SNX7: variants seen among roughly 807,000 people sequenced by gnomAD.
SNX7 encodes sorting nexin-7.
Under a neutral mutation model 48.4 loss-of-function variants are expected in SNX7, and 35 were observed. That is an observed-to-expected ratio of 0.72 (90% CI 0.55 to 0.96). The LOEUF is 0.96. Ranked by LOEUF, SNX7 falls within the 40% of genes least tolerant of loss-of-function variation. SNX7 has a pLI of 0.00. For missense variants in SNX7, 553 were observed against 548.9 expected, an observed-to-expected ratio of 1.01 and a Z score of -0.07; for synonymous variants, 190 against 190.2, an observed-to-expected ratio of 1.00 and a Z score of 0.01.
intron 7 of SNX7, among the ~76,000 whole-genome samples, chr1:98,702,311 A>C (rs951887662): frequency 1.3e-5 from 2 of 152,122 alleles, no homozygotes; most frequent in African/African-American, 4.8e-5. Flanking sequence ...AGTGTTGTTA[A>C]AATCTTTATG....
At chr1:98,696,114 G>A (rs1368758980) in intron 5 of SNX7, among the ~76,000 whole-genome samples, 2 of 151,732 alleles carry the variant, frequency 1.3e-5, no homozygotes, top group Admixed American at 6.6e-5. Context: ...TAAACCTGTC[G>A]AAGTATGGCA....
chr1:98,737,700 G>GTTA (rs1557831578), intron 7 of SNX7, among the ~76,000 whole-genome samples: 1 of 152,108 alleles, frequency 6.6e-6, no homozygotes, highest in Non-Finnish European at 1.5e-5. Context: ...ACTTGCCTCT[G>GTTA]TTACTAGCTA....
upstream of SNX7, chr1:98,661,705 G>C (rs1367916220): frequency 1.0e-5 from 12 of 1,205,868 alleles, no homozygotes; most frequent in Non-Finnish European, 1.1e-5. Flanking sequence ...GGCGGCGGTG[G>C]CGGCCGGCTG....
intron 7 of SNX7, among the ~76,000 whole-genome samples, chr1:98,710,706 C>G (rs961699506): frequency 5.3e-5 from 8 of 152,162 alleles, no homozygotes; most frequent in African/African-American, 1.9e-4. Context: ...TTCTGTCTTA[C>G]GTATCTCTTT....
At position 98,729,247 on chromosome 1, in the gene SNX7, A is replaced by G. The variant is rs1653356750; in HGVS notation, c.1126-8990A>G. 2.0e-5 allele frequency among the ~76,000 whole-genome samples: 3 copies of G among 152,186 alleles called. No homozygotes were observed. The South Asian group carries it at 6.2e-4, about 31-fold the overall frequency. ...CAAGAAGTTCTTTGAACAAAGAAAC[A>G]ACGCACCAGAATCTCTAGGACATAG... On this transcript the variant is annotated intron_variant, in intron 7 of 8. Coordinates refer to ENST00000306121, the MANE Select transcript of SNX7 (RefSeq NM_015976.5).
intron 7 of SNX7, among the ~76,000 whole-genome samples, chr1:98,709,471 C>T (rs1330578825): frequency 6.6e-6 from 1 of 152,166 alleles, no homozygotes; most frequent in East Asian, 1.9e-4. Context: ...GTGCTTTGGA[C>T]TCCTACGGAA....
chr1:98,677,991 G>T (rs9285630), intron 1 of SNX7, among the ~76,000 whole-genome samples: 1 of 130,778 alleles, frequency 7.6e-6, no homozygotes, highest in East Asian at 3.4e-4. Flanking sequence ...GTGTGTGTGC[G>T]TGTGTGTGTG....
intron 4 of SNX7, 103 bp downstream of exon 4, chr1:98,691,802 C>G (rs1651143728): frequency 1.0e-6 from 1 of 972,154 alleles, no homozygotes; most frequent in African/African-American, 1.7e-5. Flanking sequence ...CAGTGGTGTA[C>G]TTGAATTGAG....
chr1:98,682,198 C>G (rs545704803), intron 1 of SNX7, among the ~76,000 whole-genome samples: 85 of 151,968 alleles, frequency 5.6e-4, no homozygotes, highest in African/African-American at 1.8e-3. Flanking sequence ...CTGTTCTCCA[C>G]CATCCCCTTT....
Position 98,661,754 on chromosome 1 carries a change from C to T in SNX7, c.23C>T (p.Ser8Leu). 8.1e-7 allele frequency: 1 copy of T among 1,236,896 alleles called. No individual in the cohort carries two copies. Among genetic ancestry groups the T allele is most frequent in the Non-Finnish European group, 1.0e-6 (1 of 984,744 alleles). The allele number at this position is 1,236,896 out of a possible 1,614,324, so 76.6% of individuals were successfully genotyped here. ...GGGATGGAGGGCGAGCGCCGGGCAT[C>T]GCAGGCGCCCTCCTCGGGCCTCCCG... is the stretch of plus-strand genomic sequence containing the variant. MEGERRASQAPSSGLPAG... is the reference protein window; with the variant it reads MEGERRALQAPSSGLPAG... The change falls in exon 1 of 9, where the codon TCG becomes TTG. Residue 8 changes from serine to leucine, a missense_variant. Physicochemically the swap from Ser to Leu is moderately radical, Grantham distance 145. Transcript: ENST00000306121.
intron 8 of SNX7, among the ~76,000 whole-genome samples, chr1:98,748,529 T>C (rs1037513013): frequency 6.6e-6 from 1 of 151,916 alleles, no homozygotes; most frequent in Non-Finnish European, 1.5e-5. Flanking sequence ...TCTAAAAATG[T>C]CTAGTTTCTG....
At chr1:98,754,636 T>C (rs1422671765) in intron 8 of SNX7, among the ~76,000 whole-genome samples, 2 of 152,036 alleles carry the variant, frequency 1.3e-5, no homozygotes, top group African/African-American at 4.8e-5. Flanking sequence ...TTTTTTCCTT[T>C]AGTGGAATCC....
At chr1:98,715,409 TGACTGATTAAG>T (rs1156836446) in intron 7 of SNX7, among the ~76,000 whole-genome samples, 1 of 152,190 alleles carries the variant, frequency 6.6e-6, no homozygotes, top group Non-Finnish European at 1.5e-5. Context: ...CACCGTTTGA[TGACTGATTAAG>T]GCAATGTCCG....
chr1:98,673,625 T>G (rs1359945219), intron 1 of SNX7, among the ~76,000 whole-genome samples: 2 of 152,164 alleles, frequency 1.3e-5, no homozygotes, highest in African/African-American at 4.8e-5. Flanking sequence ...CTGGGTGACA[T>G]GCAGTGAACA....
At chr1:98,753,826 A>G (rs1415215621) in intron 8 of SNX7, among the ~76,000 whole-genome samples, 1 of 152,036 alleles carries the variant, frequency 6.6e-6, no homozygotes, top group African/African-American at 2.4e-5. Context: ...TTTTATAAAC[A>G]TTGTGGGTAG....
At chr1:98,714,009 C>A (rs1274591282) in intron 7 of SNX7, among the ~76,000 whole-genome samples, 1 of 152,010 alleles carries the variant, frequency 6.6e-6, no homozygotes, top group Non-Finnish European at 1.5e-5. Flanking sequence ...AGGGTTGTCA[C>A]AAAGCTTCAA....
At chr1:98,709,808 G>A (rs1652205527) in intron 7 of SNX7, among the ~76,000 whole-genome samples, 2 of 152,002 alleles carry the variant, frequency 1.3e-5, no homozygotes, top group Non-Finnish European at 2.9e-5. Context: ...TCTTTTTTGT[G>A]TCAAACTCAC....
chr1:98,737,140 A>T (rs1488564268), intron 7 of SNX7, among the ~76,000 whole-genome samples: 1 of 151,130 alleles, frequency 6.6e-6, no homozygotes, highest in Non-Finnish European at 1.5e-5. Flanking sequence ...TCACCTAGGC[A>T]TGCTTCTACC....
At chr1:98,697,621 T>C (rs1471910173) in intron 5 of SNX7, among the ~76,000 whole-genome samples, 1 of 152,162 alleles carries the variant, frequency 6.6e-6, no homozygotes, top group African/African-American at 2.4e-5. Flanking sequence ...CATTCTTTCA[T>C]TGATATGAAA....
Sources: gnomAD v4.1 joint callset for allele counts (sites outside exome capture counted in the v4.1 genomes callset) on GRCh38, gnomAD v4.1.1 for gene constraint, MANE v1.5 for transcripts, NCBI Gene and HGNC (gene_info 2026-07-23, HGNC 2026-07-21) for gene names.